Variants in PAQR5 observed in about 807,000 individuals in gnomAD.
The protein encoded by PAQR5 is progestin and adipoQ receptor family member 5.
A neutral mutation model predicts 34.5 loss-of-function variants in PAQR5; 20 were observed. The observed-to-expected ratio is 0.58, with a 90% CI of 0.41 to 0.84. The LOEUF (loss-of-function observed/expected upper bound fraction) is 0.84, where lower values mean the gene tolerates loss of function less well. PAQR5 is among the 40% of genes least tolerant of loss of function. The probability of loss-of-function intolerance (pLI) is 0.00; values close to 1 mark genes in which losing one functional copy is unlikely to be tolerated. For missense variants in PAQR5, 378 were observed against 412.7 expected (o/e 0.92, Z 0.73); for synonymous variants, 131 against 155.6 (o/e 0.84, Z 1.18).
intron 5 of PAQR5, among the ~76,000 whole-genome samples, chr15:69,386,990 G>A (rs2056130350): frequency 6.6e-6 from 1 of 150,844 alleles, no homozygotes; most frequent in Non-Finnish European, 1.5e-5. Flanking sequence ...CCCACCCTCT[G>A]GCCAATTGGT....
chr15:69,311,470 A>G (rs1443949547), intron 1 of PAQR5, among the ~76,000 whole-genome samples: 2 of 152,188 alleles, frequency 1.3e-5, no homozygotes, highest in African/African-American at 2.4e-5. Flanking sequence ...TGTTAGTCAC[A>G]GGGCAAGCAA....
intron 3 of PAQR5, among the ~76,000 whole-genome samples, chr15:69,362,331 T>C (rs966425900): frequency 1.3e-5 from 2 of 152,204 alleles, no homozygotes; most frequent in African/African-American, 2.4e-5. Flanking sequence ...GCATCCACTA[T>C]TGGGTTTTTG....
chr15:69,396,983 G>A, intron 6 of PAQR5: 1 of 355,888 alleles, frequency 2.8e-6, no homozygotes, highest in Admixed American at 3.8e-5. Context: ...GCTCTCCAAG[G>A]GTCAAACACC....
At chr15:69,356,264 G>A (rs2055074909) in intron 2 of PAQR5, among the ~76,000 whole-genome samples, 1 of 152,204 alleles carries the variant, frequency 6.6e-6, no homozygotes, top group Non-Finnish European at 1.5e-5. Flanking sequence ...CTCTTGTCCT[G>A]CCATTAGGTG....
intron 1 of PAQR5, among the ~76,000 whole-genome samples, chr15:69,335,491 C>T (rs552884530): frequency 1.3e-4 from 19 of 151,056 alleles, no homozygotes; most frequent in African/African-American, 3.2e-4. Context: ...GTGATCTGCC[C>T]GCCTCGGCCT....
intron 2 of PAQR5, among the ~76,000 whole-genome samples, chr15:69,339,479 G>A (rs2054590449): frequency 6.6e-6 from 1 of 151,916 alleles, no homozygotes; most frequent in Admixed American, 6.6e-5. Flanking sequence ...TTTTGGTTTC[G>A]TTTTTGTTTT....
rs377465097 is a variant in PAQR5, at chr15:69,385,962, T to C, written c.385+1080T>C. Among the ~76,000 whole-genome samples, 15 of 140,000 alleles carry C rather than the reference T, an allele frequency of 1.1e-4. No individual in the cohort carries two copies. The East Asian group carries it at 2.3e-3, about 22-fold the overall frequency. The allele number at this position is 140,000 out of a possible 152,430, so 91.8% of individuals were successfully genotyped here. A position where few individuals can be genotyped will look rare whatever the true frequency, so the allele number is the denominator to read the frequency against. On this transcript the variant is annotated intron_variant, in intron 5 of 8. Coordinates refer to ENST00000395407, the MANE Select transcript of PAQR5 (RefSeq NM_017705.4). This position sits in a 1 kb window ranked among gnomAD's most constrained non-coding sequence, Gnocchi z 4.7. ...ACACACAATACACTCACATGCACAC[T>C]CTCAAACACTACACACACACACCAC...
chr15:69,352,647 C>A lies in PAQR5; in HGVS notation c.-115-7319C>A, dbSNP rs534502206. 2.0e-5 allele frequency among the ~76,000 whole-genome samples: 3 copies of A among 152,280 alleles called. No individual in the cohort carries two copies. In the East Asian group the frequency reaches 5.8e-4, roughly 29 times the overall value. Reference sequence around the variant, plus strand: ...AAATGGACAGCTGCAGCGCTATGGCCCTTCTATGAGGCATCCTTGAAGGAC... The same window carrying A: ...AAATGGACAGCTGCAGCGCTATGGCACTTCTATGAGGCATCCTTGAAGGAC... On this transcript the variant is annotated intron_variant, in intron 2 of 8. Transcript: ENST00000395407.
chr15:69,331,227 C>T (rs2054373173), intron 1 of PAQR5, among the ~76,000 whole-genome samples: 1 of 152,034 alleles, frequency 6.6e-6, no homozygotes, highest in Admixed American at 6.6e-5. Context: ...GTTCTGTAGC[C>T]CTATGGTGTG....
At chr15:69,379,752 C>A in intron 3 of PAQR5, 131 bp from the exon 4 acceptor site, 1 of 1,263,520 alleles carries the variant, frequency 7.9e-7, no homozygotes, top group Admixed American at 2.4e-5. Flanking sequence ...GTGAGGGGAA[C>A]AGCTTAACAG....
intron 3 of PAQR5, among the ~76,000 whole-genome samples, chr15:69,361,833 G>C (rs2055241528): frequency 6.6e-6 from 1 of 152,160 alleles, no homozygotes; most frequent in African/African-American, 2.4e-5. Flanking sequence ...AGTGATCAGG[G>C]AAGGCTTCAT....
intron 1 of PAQR5, chr15:69,314,852 A>G (rs546469371): frequency 2.6e-5 from 4 of 153,232 alleles, no homozygotes; most frequent in South Asian, 2.1e-4. Context: ...TATGAGAAGA[A>G]CAGAGGCTGC....
At chr15:69,389,848 G>C (rs976195335) in intron 6 of PAQR5, 68 bp downstream of exon 6, 4 of 1,557,874 alleles carry the variant, frequency 2.6e-6, no homozygotes, top group Non-Finnish European at 3.5e-6. Flanking sequence ...TGCACTCTTT[G>C]AGGGAGCCGG....
At chr15:69,356,556 G>A (rs370257472) in intron 2 of PAQR5, among the ~76,000 whole-genome samples, 15 of 152,204 alleles carry the variant, frequency 9.9e-5, no homozygotes, top group Admixed American at 2.0e-4. Flanking sequence ...CGTTGGTACC[G>A]TTGTGCAACC....
intron 1 of PAQR5, among the ~76,000 whole-genome samples, chr15:69,309,652 A>G (rs2053788111): frequency 6.6e-6 from 1 of 152,160 alleles, no homozygotes; most frequent in African/African-American, 2.4e-5. Flanking sequence ...AGACGTATAC[A>G]GATTATTTCC....
At chr15:69,389,960 C>A (rs1469490453) in intron 6 of PAQR5, among the ~76,000 whole-genome samples, 180 bp downstream of exon 6, 1 of 152,226 alleles carries the variant, frequency 6.6e-6, no homozygotes, top group African/African-American at 2.4e-5. Flanking sequence ...ACGCAAGCTC[C>A]AGGCCTCCAT....
At chr15:69,358,534 G>A (rs948580362) in intron 2 of PAQR5, among the ~76,000 whole-genome samples, 5 of 151,958 alleles carry the variant, frequency 3.3e-5, no homozygotes, top group African/African-American at 4.8e-5. Context: ...TCCCTGCTGC[G>A]GTGCGGCCTT....
chr15:69,333,754 C>T (rs2054445864), intron 1 of PAQR5, among the ~76,000 whole-genome samples: 1 of 152,162 alleles, frequency 6.6e-6, no homozygotes, highest in Non-Finnish European at 1.5e-5. Context: ...TCTAGAAATG[C>T]ATGCTTTCCC....
chr15:69,309,012 G>GAAACCA (rs1336674195), intron 1 of PAQR5, among the ~76,000 whole-genome samples: 1 of 152,190 alleles, frequency 6.6e-6, no homozygotes, highest in Non-Finnish European at 1.5e-5. Flanking sequence ...AGAAGCTGGT[G>GAAACCA]AATTACATTT....
Sources: allele counts gnomAD v4.1 joint callset (sites outside exome capture counted in the v4.1 genomes callset), GRCh38; gene constraint gnomAD v4.1.1; non-coding constraint Gnocchi (gnomAD v3.1); transcripts MANE v1.5; gene names NCBI Gene and HGNC (gene_info 2026-07-23, HGNC 2026-07-21).